EYS: variants seen among roughly 807,000 people sequenced by gnomAD.
The protein encoded by EYS is protein eyes shut homolog.
A neutral mutation model predicts 282.1 loss-of-function variants in EYS; 250 were observed. That is an observed-to-expected ratio of 0.89 (90% CI 0.80 to 0.98). The LOEUF (loss-of-function observed/expected upper bound fraction) is 0.98, where lower values mean the gene tolerates loss of function less well. EYS is among the 50% of genes least tolerant of loss of function. EYS has a pLI of 0.00. For synonymous variants in EYS, 1,355 were observed against 1,282.9 expected (o/e 1.06, Z -1.20); for missense variants, 4,016 against 3,709.0 (o/e 1.08, Z -2.15).
At chr6:64,660,087 C>G (rs1368560797) in intron 22 of EYS, among the ~76,000 whole-genome samples, 1 of 152,170 alleles carries the variant, frequency 6.6e-6, no homozygotes, top group Admixed American at 6.5e-5. Context: ...TCAACATACA[C>G]AAATCAATAA....
intron 24 of EYS, among the ~76,000 whole-genome samples, chr6:64,596,231 A>G (rs1388652230): frequency 2.2e-5 from 3 of 133,462 alleles, no homozygotes; most frequent in Non-Finnish European, 4.9e-5. Flanking sequence ...GGGGATTGCA[A>G]TTTAACATGA....
chr6:63,896,631 A>G (rs1773543565), intron 35 of EYS, among the ~76,000 whole-genome samples: 1 of 152,198 alleles, frequency 6.6e-6, no homozygotes, highest in African/African-American at 2.4e-5. Context: ...ATGTGTTTGG[A>G]CAAATACAGA....
At chr6:63,988,519 G>A (rs1407420543) in intron 34 of EYS, among the ~76,000 whole-genome samples, 1 of 151,636 alleles carries the variant, frequency 6.6e-6, no homozygotes, top group Non-Finnish European at 1.5e-5. Flanking sequence ...AAAAGCAGAT[G>A]TTGTTGGCTG....
chr6:64,815,212 C>T, intron 21 of EYS: 1 of 454,268 alleles, frequency 2.2e-6, no homozygotes, highest in Non-Finnish European at 4.4e-6. Flanking sequence ...GATATTTGTT[C>T]CACTTTTGCT....
At chr6:63,759,256 G>A (rs1375501572) in intron 41 of EYS, among the ~76,000 whole-genome samples, 3 of 151,982 alleles carry the variant, frequency 2.0e-5, no homozygotes, top group Admixed American at 6.6e-5. Context: ...ATTTCCCCAC[G>A]AACAGAGATT....
At position 63,818,964 on chromosome 6, in the gene EYS, T is replaced by A. The variant is rs936455914; in HGVS notation, c.7229-12592A>T. Among the ~76,000 whole-genome samples, 4 of 152,244 alleles carry A rather than the reference T, an allele frequency of 2.6e-5. No homozygotes were observed. The South Asian group carries it at 6.2e-4, about 24-fold the overall frequency. On this transcript the variant is annotated intron_variant, in intron 36 of 42. Coordinates refer to ENST00000503581, the MANE Select transcript of EYS (RefSeq NM_001142800.2). ...TATCTTGAATTCTTATAAAAACACC[T>A]TGATCCCCTCCCAGGGATTTCTTCT... is the stretch of plus-strand genomic sequence containing the variant.
At chr6:65,186,398 T>C (rs1765517861) in intron 12 of EYS, among the ~76,000 whole-genome samples, 1 of 151,738 alleles carries the variant, frequency 6.6e-6, no homozygotes, top group African/African-American at 2.4e-5. Flanking sequence ...TCTAGTGCAA[T>C]GGTAATGAAA....
intron 28 of EYS, among the ~76,000 whole-genome samples, chr6:64,392,696 C>A (rs1459750835): frequency 2.0e-5 from 3 of 147,864 alleles, no homozygotes; most frequent in South Asian, 2.2e-4. Context: ...AAATTGACAC[C>A]CTAACATCAC....
intron 21 of EYS, among the ~76,000 whole-genome samples, chr6:64,818,446 A>T (rs1295963964): frequency 1.3e-5 from 2 of 152,150 alleles, no homozygotes; most frequent in African/African-American, 4.8e-5. Flanking sequence ...TTTATTAAGG[A>T]GTACTGACTC....
At chr6:64,596,060 A>C (rs2149835132) in intron 24 of EYS, among the ~76,000 whole-genome samples, 1 of 152,196 alleles carries the variant, frequency 6.6e-6, no homozygotes, top group East Asian at 1.9e-4. Flanking sequence ...AGCAGGAGCA[A>C]CAAAGAGAGA....
intron 29 of EYS, among the ~76,000 whole-genome samples, chr6:64,361,124 T>C (rs1415406351): frequency 6.6e-6 from 1 of 151,758 alleles, no homozygotes; most frequent in African/African-American, 2.4e-5. Context: ...TGGAACTATA[T>C]ATTTTGATTA....
chr6:64,031,810 C>A (rs530348573), intron 33 of EYS, among the ~76,000 whole-genome samples: 1 of 152,110 alleles, frequency 6.6e-6, no homozygotes, highest in African/African-American at 2.4e-5. Flanking sequence ...GGATTGTAAA[C>A]GCACCAATCA....
intron 31 of EYS, among the ~76,000 whole-genome samples, chr6:64,182,247 T>C (rs1350896529): frequency 6.6e-6 from 1 of 152,210 alleles, no homozygotes; most frequent in Non-Finnish European, 1.5e-5. Context: ...TGTCCTACAA[T>C]CACACTATTT....
rs1460353199 is a variant in EYS at position 64,912,585 on chromosome 6, T to A, written c.2540A>T (p.His847Leu). Residue 847 changes from histidine to leucine, a missense_variant, in exon 16 of 43, where the codon CAC (histidine) becomes CTC (leucine). By Grantham distance (99) the His-to-Leu change is moderately conservative (BLOSUM62 -3). Transcript: ENST00000503581. ...TAGGTCACAAAGGTTATAGCGTTGGTGGCAAAATTGTCCAGTATAAAGGGG... is the reference window on the plus strand; with the variant it reads ...TAGGTCACAAAGGTTATAGCGTTGGAGGCAAAATTGTCCAGTATAAAGGGG... ...CPPLYTGQFC[H>L]QRYNLCDLLH... 2 of 1,551,332 alleles carry A rather than the reference T, an allele frequency of 1.3e-6. No homozygotes were observed. The highest frequency in any genetic ancestry group is 3.9e-5 in the Admixed American group (2 of 50,978).
At chr6:63,978,095 C>T (rs1766925278) in intron 35 of EYS, among the ~76,000 whole-genome samples, 1 of 151,984 alleles carries the variant, frequency 6.6e-6, no homozygotes, top group Non-Finnish European at 1.5e-5. Context: ...AGAGTATGTA[C>T]ACCATCAATG....
intron 35 of EYS, among the ~76,000 whole-genome samples, chr6:63,970,089 C>T (rs991097693): frequency 6.6e-6 from 1 of 152,190 alleles, no homozygotes; most frequent in African/African-American, 2.4e-5. Flanking sequence ...TAGCTGAGAA[C>T]TTTCCCTGGA....
intron 22 of EYS, among the ~76,000 whole-genome samples, chr6:64,779,498 A>G (rs951905319): frequency 3.3e-5 from 5 of 152,146 alleles, no homozygotes; most frequent in Admixed American, 6.5e-5. Flanking sequence ...GGGGAAGGGA[A>G]GAATAGAGGA....
At chr6:64,009,118 G>T (rs796227947) in intron 33 of EYS, among the ~76,000 whole-genome samples, 23 of 152,132 alleles carry the variant, frequency 1.5e-4, no homozygotes, top group African/African-American at 2.4e-4. Context: ...TGTAGATTTG[G>T]TCTTTACCTA....
intron 19 of EYS, among the ~76,000 whole-genome samples, chr6:64,862,655 C>T (rs1178007857): frequency 6.6e-6 from 1 of 152,036 alleles, no homozygotes; most frequent in Admixed American, 6.6e-5. Flanking sequence ...CTCCTCTGTG[C>T]AATGGCTGAG....
Sources: allele counts gnomAD v4.1 joint callset (sites outside exome capture counted in the v4.1 genomes callset), GRCh38; gene constraint gnomAD v4.1.1; transcripts MANE v1.5; gene names NCBI Gene and HGNC (gene_info 2026-07-23, HGNC 2026-07-21).